MYO16: variants seen among roughly 807,000 people sequenced by gnomAD.
MYO16 encodes the protein unconventional myosin-XVI.
A neutral mutation model predicts 205.3 loss-of-function variants in MYO16; 94 were observed. The observed-to-expected ratio is 0.46, with a 90% CI of 0.39 to 0.54. The LOEUF is 0.54. Among genes scored for constraint, MYO16 ranks in the 20% least tolerant of loss-of-function variants. The pLI is 0.00. For missense variants in MYO16, 2,315 were observed against 2,387.5 expected (o/e 0.97, Z 0.63); for synonymous variants, 988 against 954.0 (o/e 1.04, Z -0.66).
At chr13:108,700,757 T>G (rs2139518400) in intron 2 of MYO16, among the ~76,000 whole-genome samples, 1 of 152,214 alleles carries the variant, frequency 6.6e-6, no homozygotes, top group Admixed American at 6.5e-5. Flanking sequence ...CCAAAAACAC[T>G]TAGAAGGAAA....
intron 32 of MYO16, among the ~76,000 whole-genome samples, chr13:109,150,494 T>C (rs1204858820): frequency 6.6e-6 from 1 of 152,198 alleles, no homozygotes; most frequent in Non-Finnish European, 1.5e-5. Flanking sequence ...AGGTACCCTA[T>C]GAATTGCATG....
chr13:108,580,039 A>AAT, the MYO16 span, among the ~76,000 whole-genome samples: 1 of 152,226 alleles, frequency 6.6e-6, no homozygotes, highest in African/African-American at 2.4e-5. Context: ...AGTGGCAAAT[A>AAT]ATATAATTCA....
chr13:108,830,018 A>G (rs1334448153), intron 9 of MYO16, among the ~76,000 whole-genome samples: 1 of 142,572 alleles, frequency 7.0e-6, no homozygotes, highest in Non-Finnish European at 1.5e-5. Flanking sequence ...AATGCTCACC[A>G]TCACTGGCCA....
chr13:108,836,823 G>T (rs1484021501), intron 9 of MYO16, among the ~76,000 whole-genome samples: 1 of 152,158 alleles, frequency 6.6e-6, no homozygotes, highest in African/African-American at 2.4e-5. Flanking sequence ...TTTACCCAAT[G>T]CCTGTACCCC....
At chr13:108,805,710 G>T (rs749612957) in intron 6 of MYO16, among the ~76,000 whole-genome samples, 4 of 151,858 alleles carry the variant, frequency 2.6e-5, no homozygotes, top group African/African-American at 2.4e-5. Flanking sequence ...CCTGAAAAAT[G>T]TAAAACATTC....
intron 2 of MYO16, among the ~76,000 whole-genome samples, chr13:108,689,390 C>G (rs1882805389): frequency 6.6e-6 from 1 of 151,810 alleles, no homozygotes; most frequent in Non-Finnish European, 1.5e-5. Context: ...CCATGTTTGC[C>G]TTTAAATACA....
intron 22 of MYO16, among the ~76,000 whole-genome samples, chr13:109,018,669 G>A (rs552174743): frequency 1.4e-4 from 22 of 152,302 alleles, no homozygotes; most frequent in African/African-American, 2.2e-4. Context: ...TGCTAAGACC[G>A]TTGGAAAAGC....
rs1352525948 is a variant in MYO16, at chr13:108,870,211, G to C, written c.1425+3969G>C. On this transcript the variant is annotated intron_variant, in intron 12 of 34. Transcript: ENST00000457511. Reference sequence around the variant, plus strand: ...TATTTTTCTCCTTTATTTTGTTTGTGAATTATAATTCCTGATTTTGAAATA... The same window carrying C: ...TATTTTTCTCCTTTATTTTGTTTGTCAATTATAATTCCTGATTTTGAAATA... 2.0e-5 allele frequency among the ~76,000 whole-genome samples: 3 copies of C among 151,664 alleles called. No homozygotes were observed. The East Asian group carries it at 5.8e-4, about 29-fold the overall frequency.
intron 27 of MYO16, among the ~76,000 whole-genome samples, chr13:109,057,906 G>A (rs140607556): frequency 3.9e-5 from 6 of 152,146 alleles, no homozygotes; most frequent in South Asian, 2.1e-4. Flanking sequence ...GAAGTGATCC[G>A]CGGGGGCCTC....
chr13:109,190,369 A>G (rs930039909), intron 34 of MYO16, among the ~76,000 whole-genome samples: 1 of 152,178 alleles, frequency 6.6e-6, no homozygotes, highest in African/African-American at 2.4e-5. Flanking sequence ...AACACTGAGT[A>G]TGTCACCTCA....
chr13:108,792,051 A>C (rs541700493), intron 5 of MYO16, among the ~76,000 whole-genome samples: 1 of 152,200 alleles, frequency 6.6e-6, no homozygotes, highest in African/African-American at 2.4e-5. Context: ...AGATGAATTA[A>C]TTCTCCTTAG....
chr13:108,807,580 G>C (rs73612426), intron 7 of MYO16, among the ~76,000 whole-genome samples: 2,387 of 152,136 alleles, frequency 0.016, 57 homozygotes, highest in African/African-American at 0.054. Context: ...CCTTGATTGA[G>C]TCTTGATGGA....
At position 108,927,770 on chromosome 13, in the gene MYO16, G is replaced by A. The variant is rs557480741; in HGVS notation, c.1925+17620G>A. ...GAATTCAACTAACCCGAGCCATCAT[G>A]ACAGTTCCACGAGGCAGGCGTTTCC... On this transcript the variant is annotated intron_variant, in intron 16 of 34. Transcript: ENST00000457511. 1.4e-4 allele frequency among the ~76,000 whole-genome samples: 22 copies of A among 152,308 alleles called. No homozygotes were observed. In the South Asian group the frequency reaches 3.9e-3, roughly 27 times the overall value.
chr13:108,842,362 A>T (rs957024129), intron 9 of MYO16, among the ~76,000 whole-genome samples: 2 of 152,162 alleles, frequency 1.3e-5, no homozygotes, highest in Non-Finnish European at 2.9e-5. Context: ...GTGCAAATAT[A>T]TATGATAAGG....
At chr13:108,834,281 G>A (rs1209365033) in intron 9 of MYO16, among the ~76,000 whole-genome samples, 1 of 152,084 alleles carries the variant, frequency 6.6e-6, no homozygotes, top group Non-Finnish European at 1.5e-5. Context: ...TTTGCTAATT[G>A]TCCTTTATAG....
intron 2 of MYO16, among the ~76,000 whole-genome samples, chr13:108,685,854 G>A (rs1882655611): frequency 6.6e-6 from 1 of 152,176 alleles, no homozygotes; most frequent in Admixed American, 6.5e-5. Context: ...CTCTGTCCTT[G>A]TGTGTCTGGG....
chr13:108,732,191 A>G (rs889971013), intron 4 of MYO16, among the ~76,000 whole-genome samples: 2 of 152,222 alleles, frequency 1.3e-5, no homozygotes, highest in Non-Finnish European at 2.9e-5. Flanking sequence ...CCAGAGCTTG[A>G]TGATGGGCCA....
chr13:108,553,857 A>G, the MYO16 span, among the ~76,000 whole-genome samples: 2 of 151,864 alleles, frequency 1.3e-5, no homozygotes, highest in African/African-American at 4.8e-5. Flanking sequence ...CTCTTCCCTT[A>G]CCTCCTCATG....
intron 6 of MYO16, among the ~76,000 whole-genome samples, chr13:108,805,439 A>G (rs196183): frequency 0.082 from 12,497 of 152,252 alleles, 634 homozygotes; most frequent in Non-Finnish European, 0.11. Context: ...TACACATTGA[A>G]TAAGCCTTTT....
Sources: gnomAD v4.1 joint callset for allele counts (sites outside exome capture counted in the v4.1 genomes callset) on GRCh38, gnomAD v4.1.1 for gene constraint, MANE v1.5 for transcripts, NCBI Gene and HGNC (gene_info 2026-07-23, HGNC 2026-07-21) for gene names.